Variants in MAGI2 observed in about 807,000 individuals in gnomAD.
MAGI2 encodes the protein membrane-associated guanylate kinase, WW and PDZ domain-containing protein 2.
A neutral mutation model predicts 133.3 loss-of-function variants in MAGI2; 35 were observed. The observed-to-expected ratio is 0.26, with a 90% CI of 0.20 to 0.35. The LOEUF is 0.35. Ranked by LOEUF, MAGI2 falls within the 10% of genes least tolerant of loss-of-function variation. MAGI2 has a pLI of 1.00. For synonymous variants in MAGI2, 729 were observed against 710.6 expected, an observed-to-expected ratio of 1.03 and a Z score of -0.41; for missense variants, 1,636 against 1,863.4, an observed-to-expected ratio of 0.88 and a Z score of 2.25.
intron 2 of MAGI2, among the ~76,000 whole-genome samples, chr7:78,732,741 G>A (rs1034441552): frequency 1.3e-5 from 2 of 152,068 alleles, no homozygotes; most frequent in Non-Finnish European, 2.9e-5. Flanking sequence ...CAAGTAGATG[G>A]CAATGATTAT....
At chr7:78,681,688 C>T (rs1815679184) in intron 2 of MAGI2, among the ~76,000 whole-genome samples, 1 of 152,028 alleles carries the variant, frequency 6.6e-6, no homozygotes, top group African/African-American at 2.4e-5. Context: ...GAGAAGATAA[C>T]ACTACACATG....
intron 1 of MAGI2, among the ~76,000 whole-genome samples, chr7:79,064,362 A>C (rs978788485): frequency 1.3e-5 from 2 of 152,088 alleles, no homozygotes; most frequent in African/African-American, 2.4e-5. Context: ...AGAGAGGAGA[A>C]ATCTAAAGCT....
intron 2 of MAGI2, among the ~76,000 whole-genome samples, chr7:78,739,276 G>C (rs938472577): frequency 1.3e-5 from 2 of 152,196 alleles, no homozygotes; most frequent in African/African-American, 4.8e-5. Flanking sequence ...TCTGGCCAAA[G>C]GTCGTCAAAC....
At chr7:79,200,757 A>C (rs557645405) in intron 1 of MAGI2, among the ~76,000 whole-genome samples, 1 of 152,002 alleles carries the variant, frequency 6.6e-6, no homozygotes, top group Admixed American at 6.6e-5. Flanking sequence ...CAGTGACAAG[A>C]CTAAAGCCCA....
At chr7:78,107,193 A>G (rs1206365470) in intron 20 of MAGI2, among the ~76,000 whole-genome samples, 1 of 152,044 alleles carries the variant, frequency 6.6e-6, no homozygotes, top group East Asian at 1.9e-4. Flanking sequence ...TGGGTTATCT[A>G]TTCTGTTCCT....
chr7:79,261,365 T>C (rs2129556437), intron 1 of MAGI2, among the ~76,000 whole-genome samples: 1 of 152,342 alleles, frequency 6.6e-6, no homozygotes, highest in East Asian at 1.9e-4. Flanking sequence ...CCTCACAAAT[T>C]GCTTGAATCC....
chr7:78,856,896 C>G (rs1196192346), intron 2 of MAGI2, among the ~76,000 whole-genome samples: 1 of 152,136 alleles, frequency 6.6e-6, no homozygotes, highest in Non-Finnish European at 1.5e-5. Flanking sequence ...ATGGAATGTT[C>G]TTCCATTTGT....
intron 9 of MAGI2, among the ~76,000 whole-genome samples, chr7:78,261,553 C>T (rs1200358463): frequency 1.3e-5 from 2 of 152,088 alleles, no homozygotes; most frequent in Admixed American, 1.3e-4. Flanking sequence ...GATAGATTCT[C>T]ACTGAATAAA....
intron 2 of MAGI2, among the ~76,000 whole-genome samples, chr7:78,680,172 A>T (rs1406410380): frequency 6.6e-6 from 1 of 152,142 alleles, no homozygotes; most frequent in African/African-American, 2.4e-5. Flanking sequence ...AAAAATAATG[A>T]CGTGCTTACA....
At chr7:78,088,990 G>A (rs941474549) in intron 20 of MAGI2, among the ~76,000 whole-genome samples, 1 of 152,168 alleles carries the variant, frequency 6.6e-6, no homozygotes, top group Non-Finnish European at 1.5e-5. Flanking sequence ...GTGCTAAGCT[G>A]CTGGCTTTGA....
At chr7:79,244,958 T>A (rs992758850) in intron 1 of MAGI2, among the ~76,000 whole-genome samples, 8 of 152,170 alleles carry the variant, frequency 5.3e-5, no homozygotes, top group African/African-American at 1.9e-4. Flanking sequence ...TTCCTCTAGT[T>A]CCTCTTCCTG....
At chr7:79,240,852 C>T (rs10238358) in intron 1 of MAGI2, among the ~76,000 whole-genome samples, 102 of 152,204 alleles carry the variant, frequency 6.7e-4, no homozygotes, top group African/African-American at 2.3e-3. Context: ...TTCTCTATAT[C>T]TCTTCTTAGG....
intron 2 of MAGI2, among the ~76,000 whole-genome samples, chr7:78,730,163 T>C (rs1380914765): frequency 2.0e-5 from 3 of 152,230 alleles, no homozygotes. Flanking sequence ...GAGACATTTA[T>C]ATTTTCCTAT....
intron 1 of MAGI2, among the ~76,000 whole-genome samples, chr7:79,131,229 TC>T (rs1041045022): frequency 2.0e-4 from 30 of 152,184 alleles, no homozygotes; most frequent in Admixed American, 5.9e-4. Context: ...CTGTTCTTTC[TC>T]CCAATTCATC....
At chr7:79,153,674 C>T (rs1460946479) in intron 1 of MAGI2, among the ~76,000 whole-genome samples, 2 of 152,142 alleles carry the variant, frequency 1.3e-5, no homozygotes, top group Non-Finnish European at 2.9e-5. Context: ...GATGGGCTGA[C>T]CCTAAGCATA....
intron 12 of MAGI2, among the ~76,000 whole-genome samples, chr7:78,191,575 CTTG>C (rs1828218616): frequency 6.6e-6 from 1 of 152,144 alleles, no homozygotes; most frequent in Non-Finnish European, 1.5e-5. Flanking sequence ...TTCATATATT[CTTG>C]TTGATTGATG....
At chr7:78,641,636 A>G (rs754515800) in intron 2 of MAGI2, among the ~76,000 whole-genome samples, 32 of 150,660 alleles carry the variant, frequency 2.1e-4, no homozygotes, top group Non-Finnish European at 3.0e-5. Context: ...TCAAGAGAGA[A>G]AAATATGACC....
intron 9 of MAGI2, among the ~76,000 whole-genome samples, chr7:78,327,138 C>A (rs1788667739): frequency 6.6e-6 from 1 of 152,212 alleles, no homozygotes; most frequent in Non-Finnish European, 1.5e-5. Context: ...ACTGCCCAGT[C>A]TGTTGACACT....
At chr7:78,403,117 A>G (rs377029942) in intron 6 of MAGI2, among the ~76,000 whole-genome samples, 2 of 152,186 alleles carry the variant, frequency 1.3e-5, no homozygotes, top group South Asian at 2.1e-4. Flanking sequence ...CGTCATTTAC[A>G]TTAGGTATAT....
Sources: gnomAD v4.1 joint callset for allele counts (sites outside exome capture counted in the v4.1 genomes callset) on GRCh38, gnomAD v4.1.1 for gene constraint, MANE v1.5 for transcripts, NCBI Gene and HGNC (gene_info 2026-07-23, HGNC 2026-07-21) for gene names.